Variants in KCND3 observed in about 807,000 individuals in gnomAD.
KCND3 encodes the protein A-type voltage-gated potassium channel KCND3.
In KCND3, 9 loss-of-function variants were observed where a neutral mutation model predicts 51.1. The observed-to-expected ratio is 0.18, with a 90% CI of 0.11 to 0.31. KCND3 has a LOEUF of 0.31. Among genes scored for constraint, KCND3 ranks in the 10% least tolerant of loss-of-function variants. The pLI, the probability that KCND3 is intolerant of heterozygous loss-of-function variation, is 1.00. For missense variants in KCND3, 526 were observed against 903.8 expected (o/e 0.58, Z 5.36); for synonymous variants, 349 against 368.0 (o/e 0.95, Z 0.59).
intron 2 of KCND3, among the ~76,000 whole-genome samples, chr1:111,830,192 C>T (rs1666771091): frequency 6.6e-6 from 1 of 152,204 alleles, no homozygotes; most frequent in Non-Finnish European, 1.5e-5. Context: ...GAGCTCAATA[C>T]ATATCAATTA....
At chr1:111,800,551 TTA>T (rs373859088) in intron 2 of KCND3, among the ~76,000 whole-genome samples, 4,093 of 132,968 alleles carry the variant, frequency 0.031, 70 homozygotes, top group Non-Finnish European at 0.044. Context: ...AAAAATAAAT[TTA>T]AAAAAAAAAA....
intron 2 of KCND3, among the ~76,000 whole-genome samples, chr1:111,791,101 G>C (rs1052341582): frequency 6.6e-6 from 1 of 152,234 alleles, no homozygotes; most frequent in Non-Finnish European, 1.5e-5. Flanking sequence ...ATGTTGAATA[G>C]TTTGAGGAAC....
chr1:111,816,016 G>A lies in KCND3; in HGVS notation c.1107-28910C>T, dbSNP rs144954874. On this transcript the variant is annotated intron_variant, in intron 2 of 7. Transcript: ENST00000302127. ...GGGTGGGGCCAACCTGAGCGCTAAT[G>A]CTGTGCCCGGCAGCAAGAGCTTCAT... Among the ~76,000 whole-genome samples, 367 of 152,330 alleles carry A rather than the reference G, an allele frequency of 2.4e-3. 1 individual carries two copies. Among genetic ancestry groups the A allele is most frequent in the Non-Finnish European group, 3.7e-3 (250 of 68,032 alleles).
At chr1:111,955,727 A>C (rs1391523460) in intron 2 of KCND3, among the ~76,000 whole-genome samples, 1 of 152,226 alleles carries the variant, frequency 6.6e-6, no homozygotes, top group Non-Finnish European at 1.5e-5. Flanking sequence ...GACTCAATGA[A>C]AGAATGAATT....
At chr1:111,828,273 G>A (rs372778478) in intron 2 of KCND3, among the ~76,000 whole-genome samples, 19 of 152,154 alleles carry the variant, frequency 1.2e-4, no homozygotes, top group African/African-American at 3.6e-4. Flanking sequence ...CAATTTACCC[G>A]TGTCTTTGTG....
intron 2 of KCND3, among the ~76,000 whole-genome samples, chr1:111,920,358 C>G (rs770064266): frequency 6.6e-6 from 1 of 152,240 alleles, no homozygotes; most frequent in Admixed American, 6.5e-5. Flanking sequence ...TAATCACACT[C>G]CCCACACTGA....
intron 2 of KCND3, among the ~76,000 whole-genome samples, chr1:111,936,546 G>A (rs1031061757): frequency 3.3e-5 from 5 of 152,224 alleles, no homozygotes; most frequent in Admixed American, 3.3e-4. Context: ...GGACAGGGTT[G>A]CTTGGTATCA....
intron 3 of KCND3, 117 bp downstream of exon 3, chr1:111,786,827 T>A: frequency 7.8e-7 from 1 of 1,287,290 alleles, no homozygotes; most frequent in Non-Finnish European, 1.1e-6. Flanking sequence ...TACCTTACCT[T>A]GCAAAGCCAG....
chr1:111,794,394 T>C (rs1423376002), intron 2 of KCND3, among the ~76,000 whole-genome samples: 1 of 152,202 alleles, frequency 6.6e-6, no homozygotes, highest in African/African-American at 2.4e-5. Context: ...GAGTCCATTC[T>C]TTACTGGAGA....
intron 2 of KCND3, among the ~76,000 whole-genome samples, chr1:111,791,863 T>C (rs1217448935): frequency 6.6e-6 from 1 of 151,952 alleles, no homozygotes; most frequent in Non-Finnish European, 1.5e-5. Context: ...TTAAAAAGAG[T>C]CTCTGTTAAA....
In KCND3 at chr1:111,782,834, A is replaced by G. The variant is rs558867471; in HGVS notation, c.1270-2043T>C. Among the ~76,000 whole-genome samples the G allele has an allele frequency of 7.2e-5, 11 of 152,320 alleles. No individual in the cohort carries two copies. In the South Asian group the frequency reaches 2.3e-3, roughly 32 times the overall value. On this transcript the variant is annotated intron_variant, in intron 3 of 7. Coordinates refer to ENST00000302127, the MANE Select transcript of KCND3 (RefSeq NM_001378969.1). ...TCATATCAAATGTACTAGATCATTT[A>G]ATCTCTTCCCACACAGGACAAAGAG...
chr1:111,903,081 G>A (rs937632682), intron 2 of KCND3, among the ~76,000 whole-genome samples: 7 of 152,112 alleles, frequency 4.6e-5, no homozygotes, highest in Non-Finnish European at 8.8e-5. Context: ...ATATGCTTTG[G>A]GGCAGAACCG....
At chr1:111,787,691 A>G (rs1664665167) in intron 2 of KCND3, among the ~76,000 whole-genome samples, 1 of 152,238 alleles carries the variant, frequency 6.6e-6, no homozygotes, top group African/African-American at 2.4e-5. Context: ...GTGAGGCGCC[A>G]TGAGGAGTTT....
In KCND3 at chr1:111,772,595, C is replaced by A. The variant is rs1292392916; in HGVS notation, c.*3482G>T. ...TGGTCTCAGATCTGTCATTAAATAA[C>A]TGCATGACCTTGAACAAGTCATTTA... On this transcript the variant is annotated 3_prime_UTR_variant, in exon 8 of 8. Transcript: ENST00000302127. 3 of 152,234 alleles carry A rather than the reference C, an allele frequency of 2.0e-5. No homozygotes were observed. The highest frequency in any genetic ancestry group is 4.4e-5 in the Non-Finnish European group (3 of 68,044). 9.4% of individuals were successfully genotyped at this position (152,234 alleles called of 1,614,324 possible).
intron 2 of KCND3, among the ~76,000 whole-genome samples, chr1:111,888,037 G>A (rs953806630): frequency 2.6e-5 from 4 of 152,254 alleles, no homozygotes; most frequent in African/African-American, 9.6e-5. Context: ...CTGGCTGGGT[G>A]TACCAGAGTG....
At chr1:111,915,012 A>G (rs1671127594) in intron 2 of KCND3, among the ~76,000 whole-genome samples, 1 of 152,226 alleles carries the variant, frequency 6.6e-6, no homozygotes, top group African/African-American at 2.4e-5. Context: ...AAAATTGAAT[A>G]TATAAGTTTT....
intron 2 of KCND3, among the ~76,000 whole-genome samples, chr1:111,819,587 G>C (rs138766911): frequency 1.3e-5 from 2 of 152,290 alleles, no homozygotes; most frequent in East Asian, 3.9e-4. Context: ...AAAGCCCAGA[G>C]ATCTGGGAGG....
At chr1:111,844,683 C>A (rs1240423937) in intron 2 of KCND3, among the ~76,000 whole-genome samples, 1 of 152,208 alleles carries the variant, frequency 6.6e-6, no homozygotes, top group Non-Finnish European at 1.5e-5. Context: ...TGATGTTCCA[C>A]AGAAAATGGT....
chr1:111,945,357 G>C (rs1377767389), intron 2 of KCND3, among the ~76,000 whole-genome samples: 3 of 152,214 alleles, frequency 2.0e-5, no homozygotes, highest in African/African-American at 7.2e-5. Flanking sequence ...GCATGGTGCA[G>C]CCTTCAACGT....
Sources: gnomAD v4.1 joint callset for allele counts (sites outside exome capture counted in the v4.1 genomes callset) on GRCh38, gnomAD v4.1.1 for gene constraint, MANE v1.5 for transcripts, NCBI Gene and HGNC (gene_info 2026-07-23, HGNC 2026-07-21) for gene names.